The following MEGF11 variants were observed in gnomAD, a reference collection of about 807,000 sequenced individuals.
The protein encoded by MEGF11 is multiple EGF like domains 11, also known as multiple epidermal growth factor-like domains protein 11.
Under a neutral mutation model 146.6 loss-of-function variants are expected in MEGF11, and 126 were observed. The observed-to-expected ratio is 0.86, with a 90% CI of 0.74 to 1.00. The LOEUF is 1.00. Among genes scored for constraint, MEGF11 ranks in the 50% least tolerant of loss-of-function variants. MEGF11 has a pLI of 0.00. For missense variants in MEGF11, 1,509 were observed against 1,521.2 expected, an observed-to-expected ratio of 0.99 and a Z score of 0.13; for synonymous variants, 532 against 583.4, an observed-to-expected ratio of 0.91 and a Z score of 1.27.
chr15:66,059,613 C>T lies in MEGF11; in HGVS notation c.394+34789G>A, dbSNP rs143505275. On this transcript the variant is annotated intron_variant, in intron 5 of 25. Transcript: ENST00000395614. ...CCCAGAGACCCCCCACAGCGCTAGC[C>T]AACCAGTTGCCCCAGGTTCTTAAAT... Among the ~76,000 whole-genome samples, 251 of 152,150 alleles carry T rather than the reference C, an allele frequency of 1.6e-3. No homozygotes were observed. In the Middle Eastern group the frequency reaches 0.02, roughly 12 times the overall value.
intron 5 of MEGF11, among the ~76,000 whole-genome samples, chr15:66,039,980 C>T (rs557632300): frequency 3.6e-5 from 5 of 138,266 alleles, no homozygotes; most frequent in Admixed American, 1.4e-4. Context: ...GGTGGGGTGA[C>T]GGTCCTGAGC....
At chr15:66,215,869 A>G (rs1031198369) in intron 1 of MEGF11, among the ~76,000 whole-genome samples, 1 of 152,194 alleles carries the variant, frequency 6.6e-6, no homozygotes, top group Non-Finnish European at 1.5e-5. Context: ...AATTGCTCCT[A>G]TAATTTACTG....
At chr15:65,954,523 G>A (rs548205914) in intron 10 of MEGF11, among the ~76,000 whole-genome samples, 1 of 152,322 alleles carries the variant, frequency 6.6e-6, no homozygotes, top group Admixed American at 6.5e-5. Flanking sequence ...CAGAGCCCCA[G>A]AGGAGCCTTT....
At chr15:66,001,779 A>G (rs994717700) in intron 5 of MEGF11, among the ~76,000 whole-genome samples, 5 of 152,096 alleles carry the variant, frequency 3.3e-5, no homozygotes, top group African/African-American at 9.7e-5. Flanking sequence ...TGTTTGAACC[A>G]AAGGGGGTCC....
At chr15:66,242,671 G>A (rs183384549) in intron 1 of MEGF11, among the ~76,000 whole-genome samples, 6 of 152,208 alleles carry the variant, frequency 3.9e-5, no homozygotes, top group Admixed American at 3.9e-4. Context: ...CCACAATGCT[G>A]CACCATTCCC....
intron 1 of MEGF11, among the ~76,000 whole-genome samples, chr15:66,230,793 TA>T (rs1191387925): frequency 6.6e-6 from 1 of 152,200 alleles, no homozygotes; most frequent in Non-Finnish European, 1.5e-5. Flanking sequence ...AAAGAGTTTT[TA>T]AAAACCCACT....
chr15:66,015,019 G>A (rs1043938837), intron 5 of MEGF11, among the ~76,000 whole-genome samples: 4 of 152,050 alleles, frequency 2.6e-5, no homozygotes, highest in South Asian at 2.1e-4. Context: ...GGTGTAAATC[G>A]TCCCACCATG....
intron 13 of MEGF11, among the ~76,000 whole-genome samples, chr15:65,926,597 T>TGAGTGGGGAG (rs937056872): frequency 6.6e-6 from 1 of 151,954 alleles, no homozygotes; most frequent in African/African-American, 2.4e-5. Flanking sequence ...GAGGCAGAGG[T>TGAGTGGGGAG]GAGTGGGGAG....
At chr15:66,085,033 G>C (rs1053038511) in intron 5 of MEGF11, among the ~76,000 whole-genome samples, 4 of 152,126 alleles carry the variant, frequency 2.6e-5, no homozygotes, top group Non-Finnish European at 5.9e-5. Context: ...TGGGAGCTGG[G>C]TGAGGCCTCT....
At chr15:66,227,955 C>G (rs1032568724) in intron 1 of MEGF11, among the ~76,000 whole-genome samples, 6 of 152,178 alleles carry the variant, frequency 3.9e-5, no homozygotes, top group African/African-American at 1.2e-4. Context: ...GCCAGGGCAT[C>G]TGGGGTGAGG....
chr15:66,010,758 A>G (rs1224911344), intron 5 of MEGF11, among the ~76,000 whole-genome samples: 1 of 152,230 alleles, frequency 6.6e-6, no homozygotes, highest in African/African-American at 2.4e-5. Context: ...TTAAATGGGA[A>G]AGAAAACATG....
chr15:66,033,090 A>G, intron 5 of MEGF11, among the ~76,000 whole-genome samples: 1 of 151,480 alleles, frequency 6.6e-6, no homozygotes, highest in South Asian at 2.1e-4. Context: ...AAAAAAAAAA[A>G]AAAAAAAAAA....
At chr15:65,975,204 C>T (rs2141639672) in intron 7 of MEGF11, among the ~76,000 whole-genome samples, 1 of 152,310 alleles carries the variant, frequency 6.6e-6, no homozygotes, top group East Asian at 1.9e-4. Context: ...GCCATCCCAG[C>T]TCACTGTAAC....
At chr15:66,160,853 T>A (rs555301590) in intron 1 of MEGF11, among the ~76,000 whole-genome samples, 1 of 152,178 alleles carries the variant, frequency 6.6e-6, no homozygotes, top group African/African-American at 2.4e-5. Context: ...GAATCCAGTA[T>A]GCCAGAGCTA....
chr15:66,098,051 G>A (rs1449804757), intron 4 of MEGF11, among the ~76,000 whole-genome samples: 1 of 152,218 alleles, frequency 6.6e-6, no homozygotes, highest in East Asian at 1.9e-4. Flanking sequence ...TTCTTTGGCT[G>A]ACTGATTCAA....
intron 5 of MEGF11, among the ~76,000 whole-genome samples, chr15:65,990,693 GAGAAAGAAAGAAAGGAAGGAAGAA>G (rs1567192824): frequency 1.5e-5 from 2 of 129,230 alleles, no homozygotes; most frequent in East Asian, 2.3e-4. Flanking sequence ...AAGAAAGGAA[GAGAAAGAAAGAAAGGAAGGAAGAA>G]AGAAAGAAAG....
intron 5 of MEGF11, among the ~76,000 whole-genome samples, chr15:66,059,110 T>C (rs1328982141): frequency 6.6e-6 from 1 of 152,192 alleles, no homozygotes; most frequent in Non-Finnish European, 1.5e-5. Flanking sequence ...TGGAGGAGCC[T>C]GCTCCAGATT....
intron 7 of MEGF11, among the ~76,000 whole-genome samples, chr15:65,973,996 C>T (rs2081374357): frequency 6.6e-6 from 1 of 152,194 alleles, no homozygotes; most frequent in Non-Finnish European, 1.5e-5. Context: ...TGAGCCTGCT[C>T]TTGTCTCCTG....
At chr15:66,126,156 C>T (rs2088330910) in intron 2 of MEGF11, among the ~76,000 whole-genome samples, 1 of 152,160 alleles carries the variant, frequency 6.6e-6, no homozygotes, top group African/African-American at 2.4e-5. Flanking sequence ...TGAGGAGCCG[C>T]CAGAAGCACT....
Sources: allele counts gnomAD v4.1 joint callset (sites outside exome capture counted in the v4.1 genomes callset), GRCh38; gene constraint gnomAD v4.1.1; transcripts MANE v1.5; gene names NCBI Gene and HGNC (gene_info 2026-07-23, HGNC 2026-07-21).